Variants in KIAA1217 observed in about 807,000 individuals in gnomAD.
KIAA1217 encodes sickle tail protein homolog.
Under a neutral mutation model 163.9 loss-of-function variants are expected in KIAA1217, and 88 were observed. The observed-to-expected ratio is 0.54, with a 90% confidence interval of 0.45 to 0.64. The LOEUF is 0.64. Ranked by LOEUF, KIAA1217 falls within the 30% of genes least tolerant of loss-of-function variation. The pLI is 0.00. For synonymous variants in KIAA1217, 903 were observed against 923.1 expected (o/e 0.98, Z 0.39); for missense variants, 2,372 against 2,475.0 (o/e 0.96, Z 0.88).
intron 6 of KIAA1217, among the ~76,000 whole-genome samples, chr10:24,476,804 A>G (rs1410909906): frequency 6.6e-6 from 1 of 152,094 alleles, no homozygotes; most frequent in East Asian, 1.9e-4. Context: ...AGAGACCTGC[A>G]CATAGACACA....
chr10:23,896,226 T>G (rs1284652053), intron 1 of KIAA1217, among the ~76,000 whole-genome samples: 2 of 152,026 alleles, frequency 1.3e-5, no homozygotes, highest in Non-Finnish European at 2.9e-5. Flanking sequence ...TTTTTTAATT[T>G]ATCTTTTGTT....
At chr10:24,029,093 C>T (rs1011404689) in intron 2 of KIAA1217, among the ~76,000 whole-genome samples, 2 of 152,032 alleles carry the variant, frequency 1.3e-5, no homozygotes, top group Non-Finnish European at 2.9e-5. Flanking sequence ...CACAGTTTTC[C>T]TAGCTGCCCA....
chr10:23,902,327 C>T (rs564478692), intron 1 of KIAA1217, among the ~76,000 whole-genome samples: 8 of 152,110 alleles, frequency 5.3e-5, no homozygotes, highest in Admixed American at 3.9e-4. Context: ...GATAAGAACA[C>T]GTGGGCACAT....
At chr10:24,454,225 G>C (rs1001454850) in intron 5 of KIAA1217, among the ~76,000 whole-genome samples, 1 of 152,134 alleles carries the variant, frequency 6.6e-6, no homozygotes, top group Admixed American at 6.6e-5. Flanking sequence ...TTTATTTAAG[G>C]TCTCTCCAGA....
intron 2 of KIAA1217, among the ~76,000 whole-genome samples, chr10:24,046,884 C>CA (rs773820238): frequency 3.3e-5 from 5 of 152,144 alleles, no homozygotes; most frequent in Non-Finnish European, 7.4e-5. Flanking sequence ...CCTTTCTACA[C>CA]AAAAAAGCAA....
intron 2 of KIAA1217, among the ~76,000 whole-genome samples, chr10:24,009,446 G>C (rs982608273): frequency 2.0e-5 from 3 of 152,004 alleles, no homozygotes; most frequent in Non-Finnish European, 4.4e-5. Context: ...TAGTTTGCTA[G>C]AATATAAAGA....
At chr10:24,087,697 G>A (rs1356579741) in intron 2 of KIAA1217, among the ~76,000 whole-genome samples, 1 of 152,172 alleles carries the variant, frequency 6.6e-6, no homozygotes, top group African/African-American at 2.4e-5. Context: ...AAGGCCATTT[G>A]TACAGTCTAG....
At chr10:23,714,793 G>T (rs1017758220) in intron 1 of KIAA1217, among the ~76,000 whole-genome samples, 1 of 152,128 alleles carries the variant, frequency 6.6e-6, no homozygotes, top group Non-Finnish European at 1.5e-5. Flanking sequence ...TTTGTCAATA[G>T]AGGGTGGTTT....
chr10:24,360,607 G>A (rs993833096), intron 2 of KIAA1217, among the ~76,000 whole-genome samples: 8 of 152,186 alleles, frequency 5.3e-5, no homozygotes, highest in East Asian at 1.9e-4. Flanking sequence ...TGGACCAAAA[G>A]CAATCAGTTG....
At chr10:24,045,101 CTTTGGACAGGCATAGATT>C (rs1405975243) in intron 2 of KIAA1217, among the ~76,000 whole-genome samples, 1 of 152,126 alleles carries the variant, frequency 6.6e-6, no homozygotes, top group African/African-American at 2.4e-5. Context: ...TTCAATGATA[CTTTGGACAGGCATAGATT>C]TTTAGACCAA....
At chr10:23,796,844 A>C (rs987134701) in intron 1 of KIAA1217, among the ~76,000 whole-genome samples, 4 of 152,004 alleles carry the variant, frequency 2.6e-5, no homozygotes, top group Non-Finnish European at 4.4e-5. Context: ...AGATATATGT[A>C]TGTATACATA....
chr10:24,033,614 T>C (rs918075103), intron 2 of KIAA1217, among the ~76,000 whole-genome samples: 5 of 152,204 alleles, frequency 3.3e-5, no homozygotes, highest in Admixed American at 2.6e-4. Flanking sequence ...TATTCACATC[T>C]AGGTTTGGAA....
chr10:24,322,740 T>C (rs1297167459), intron 2 of KIAA1217, among the ~76,000 whole-genome samples: 2 of 152,168 alleles, frequency 1.3e-5, no homozygotes, highest in Non-Finnish European at 2.9e-5. Context: ...GCGTCTCACC[T>C]TGCAGGGCTG....
At chr10:24,389,847 A>C (rs1438999532) in intron 3 of KIAA1217, among the ~76,000 whole-genome samples, 1 of 151,904 alleles carries the variant, frequency 6.6e-6, no homozygotes, top group Non-Finnish European at 1.5e-5. Flanking sequence ...TTTCAGCATT[A>C]TTTGCCAAGC....
At chr10:24,103,318 A>T (rs954233021) in intron 2 of KIAA1217, among the ~76,000 whole-genome samples, 1 of 152,210 alleles carries the variant, frequency 6.6e-6, no homozygotes, top group African/African-American at 2.4e-5. Flanking sequence ...GATGACACAG[A>T]AGAAAACCTA....
intron 2 of KIAA1217, among the ~76,000 whole-genome samples, chr10:24,196,752 A>G (rs1201536451): frequency 6.6e-6 from 1 of 152,232 alleles, no homozygotes; most frequent in African/African-American, 2.4e-5. Context: ...GTGAAGGTCC[A>G]GGCATATCTA....
intron 2 of KIAA1217, among the ~76,000 whole-genome samples, chr10:24,040,656 T>A (rs34117030): frequency 0.34 from 51,830 of 152,096 alleles, 11,012 homozygotes; most frequent in Non-Finnish European, 0.48. Context: ...CTCATAATAT[T>A]AAGGGTTTAC....
intron 5 of KIAA1217, among the ~76,000 whole-genome samples, chr10:24,450,781 A>G (rs536576991): frequency 2.6e-5 from 4 of 152,322 alleles, no homozygotes; most frequent in Non-Finnish European, 5.9e-5. Flanking sequence ...CAAGATCAAG[A>G]TCACACACTT....
intron 2 of KIAA1217, among the ~76,000 whole-genome samples, chr10:24,133,652 A>T (rs953700289): frequency 3.9e-5 from 6 of 152,178 alleles, no homozygotes; most frequent in African/African-American, 1.4e-4. Flanking sequence ...GCTGATCAAA[A>T]CAGCAACTAG....
Sources: allele counts gnomAD v4.1 joint callset (sites outside exome capture counted in the v4.1 genomes callset), GRCh38; gene constraint gnomAD v4.1.1; transcripts MANE v1.5; gene names NCBI Gene and HGNC (gene_info 2026-07-23, HGNC 2026-07-21).